Variants in ATP6V0D1 observed in about 807,000 individuals in gnomAD.
The protein encoded by ATP6V0D1 is V-type proton ATPase subunit d 1.
Under a neutral mutation model 39.0 loss-of-function variants are expected in ATP6V0D1, and 13 were observed. The observed-to-expected ratio is 0.33, with a 90% CI of 0.22 to 0.53. The LOEUF (loss-of-function observed/expected upper bound fraction) is 0.53, where lower values mean the gene tolerates loss of function less well. ATP6V0D1 is among the 20% of genes least tolerant of loss of function. The pLI is 0.94. For synonymous variants in ATP6V0D1, 191 were observed against 191.2 expected (o/e 1.00, Z 0.01); for missense variants, 272 against 470.9 (o/e 0.58, Z 3.91).
chr16:67,453,389 A>C lies in ATP6V0D1; in HGVS notation c.302+155T>G, dbSNP rs774349319. 1.3e-5 allele frequency among the ~76,000 whole-genome samples: 2 copies of C among 152,178 alleles called. No homozygotes were observed. Among genetic ancestry groups the C allele is most frequent in the Non-Finnish European group, 2.9e-5 (2 of 68,030 alleles). Reference sequence around the variant, plus strand: ...CACAGTCAGGGAGGACTCTGAAGGTAGGGTCCTGGGACACCTGGCCTGACA... The same window carrying C: ...CACAGTCAGGGAGGACTCTGAAGGTCGGGTCCTGGGACACCTGGCCTGACA... On this transcript the variant is annotated intron_variant, in intron 2 of 7. Coordinates refer to ENST00000290949, the MANE Select transcript of ATP6V0D1 (RefSeq NM_004691.5). The surrounding 1 kb of genome is among the most constrained non-coding windows in gnomAD (Gnocchi z 4.1).
chr16:67,468,681 G>A (rs2142329613), intron 1 of ATP6V0D1, among the ~76,000 whole-genome samples: 1 of 152,164 alleles, frequency 6.6e-6, no homozygotes, highest in South Asian at 2.1e-4. Flanking sequence ...TTCCAGAAGT[G>A]TATTATGCAA....
intron 1 of ATP6V0D1, among the ~76,000 whole-genome samples, chr16:67,471,825 G>A (rs1010380396): frequency 2.6e-5 from 4 of 151,276 alleles, no homozygotes; most frequent in East Asian, 1.9e-4. Flanking sequence ...AGATTGGGCC[G>A]GGGGGTGGTT....
intron 1 of ATP6V0D1, among the ~76,000 whole-genome samples, chr16:67,478,060 C>T (rs1430096282): frequency 1.3e-5 from 2 of 152,192 alleles, no homozygotes; most frequent in Admixed American, 1.3e-4. Flanking sequence ...ATTTACCTAG[C>T]GCTTATTCTG....
intron 1 of ATP6V0D1, among the ~76,000 whole-genome samples, chr16:67,469,530 G>C (rs1381492733): frequency 6.6e-6 from 1 of 152,078 alleles, no homozygotes; most frequent in Non-Finnish European, 1.5e-5. Flanking sequence ...CTCTGGCCTG[G>C]GCCCTCAAGC....
chr16:67,447,567 G>C lies in ATP6V0D1; in HGVS notation c.303-2861C>G, dbSNP rs1326214615. Reference sequence around the variant, plus strand: ...ATCTCCCTCCAGGGGAAGACAGCTGGGGAGTGGAGGGCCGGCTGCCCGCCA... The same window carrying C: ...ATCTCCCTCCAGGGGAAGACAGCTGCGGAGTGGAGGGCCGGCTGCCCGCCA... On this transcript the variant is annotated intron_variant, in intron 2 of 7. Transcript: ENST00000290949. This position sits in a 1 kb window ranked among gnomAD's most constrained non-coding sequence, Gnocchi z 4.1. Among the ~76,000 whole-genome samples the C allele has an allele frequency of 3.3e-5, 5 of 152,232 alleles. No homozygotes were observed. The highest frequency in any genetic ancestry group is 7.3e-5 in the Non-Finnish European group (5 of 68,036).
intron 2 of ATP6V0D1, chr16:67,452,536 C>T: frequency 1.3e-6 from 1 of 777,210 alleles, no homozygotes. Context: ...GCACCATAAT[C>T]AAGGAATGGT....
intron 1 of ATP6V0D1, among the ~76,000 whole-genome samples, chr16:67,478,599 G>A (rs1057505811): frequency 1.4e-5 from 2 of 146,716 alleles, no homozygotes; most frequent in Non-Finnish European, 3.0e-5. Context: ...GGGTGACAGG[G>A]CTAGACTCTG....
At chr16:67,454,655 A>G (rs2041219488) in intron 1 of ATP6V0D1, 1 of 151,988 alleles carries the variant, frequency 6.6e-6, no homozygotes, top group South Asian at 2.1e-4. Flanking sequence ...TCAGCCTCCC[A>G]AGTGGCTGGG....
Position 67,444,734 on chromosome 16 carries a change from C to A in ATP6V0D1, c.303-28G>T. Reference sequence around the variant, plus strand: ...ACAGGGGGCAGGCAATAGCAAGGAGCCCATCAAGGTGGGGGCCGGGAAGTC... The same window carrying A: ...ACAGGGGGCAGGCAATAGCAAGGAGACCATCAAGGTGGGGGCCGGGAAGTC... On this transcript the variant is annotated intron_variant, in intron 2 of 7. Coordinates refer to ENST00000290949, the MANE Select transcript of ATP6V0D1 (RefSeq NM_004691.5). The surrounding 1 kb of genome is among the most constrained non-coding windows in gnomAD (Gnocchi z 4.8). The A allele has an allele frequency of 6.4e-7, 1 of 1,557,314 alleles. No homozygotes were observed. Among genetic ancestry groups the A allele is most frequent in the Non-Finnish European group, 8.7e-7 (1 of 1,147,746 alleles).
chr16:67,463,695 C>T (rs988876555), intron 1 of ATP6V0D1, among the ~76,000 whole-genome samples: 13 of 152,234 alleles, frequency 8.5e-5, no homozygotes, highest in Non-Finnish European at 1.8e-4. Flanking sequence ...AGGCTTGGTC[C>T]AGGCAAGAAG....
intron 2 of ATP6V0D1, chr16:67,452,232 G>C: frequency 6.5e-7 from 1 of 1,534,986 alleles, no homozygotes; most frequent in Non-Finnish European, 8.7e-7. Context: ...GTCCATGTTG[G>C]CATACCTTGA....
chr16:67,475,959 G>A (rs2041411016), intron 1 of ATP6V0D1, among the ~76,000 whole-genome samples: 1 of 152,232 alleles, frequency 6.6e-6, no homozygotes, highest in South Asian at 2.1e-4. Context: ...GCCAGATGGA[G>A]TGGCTCACAC....
intron 1 of ATP6V0D1, among the ~76,000 whole-genome samples, chr16:67,476,798 G>A (rs1006628708): frequency 3.3e-5 from 5 of 152,106 alleles, no homozygotes; most frequent in African/African-American, 4.8e-5. Flanking sequence ...CACTTTGGGA[G>A]GCTGAGGTGG....
At chr16:67,458,495 G>GCC (rs1277896550) in intron 1 of ATP6V0D1, among the ~76,000 whole-genome samples, 1 of 152,172 alleles carries the variant, frequency 6.6e-6, no homozygotes, top group Non-Finnish European at 1.5e-5. Flanking sequence ...CCACTGAGAG[G>GCC]CCCAGACGTG....
rs2041472957 is a variant in ATP6V0D1, at chr16:67,481,128, C to T, written c.-42G>A. Reference sequence around the variant, plus strand: ...GCGGGACCGGAGAACCAGGACCGGCCGGCACGAATCGCGACTCCCCAGGTC... The same window carrying T: ...GCGGGACCGGAGAACCAGGACCGGCTGGCACGAATCGCGACTCCCCAGGTC... On this transcript the variant is annotated 5_prime_UTR_variant, in exon 1 of 8. Transcript: ENST00000290949. 5 of 1,610,816 alleles carry T rather than the reference C, an allele frequency of 3.1e-6. No homozygotes were observed. The East Asian group carries it at 8.9e-5, about 29-fold the overall frequency.
intron 1 of ATP6V0D1, among the ~76,000 whole-genome samples, chr16:67,477,603 T>C (rs1354089393): frequency 6.6e-6 from 1 of 152,196 alleles, no homozygotes; most frequent in African/African-American, 2.4e-5. Context: ...TGTAGTTAGA[T>C]GATTATTACT....
chr16:67,445,927 A>C (rs2041109383), intron 2 of ATP6V0D1: 3 of 455,772 alleles, frequency 6.6e-6, no homozygotes, highest in Non-Finnish European at 1.3e-5. Context: ...GAGCTAAATG[A>C]GGCCTAGGGG....
At chr16:67,443,767 A>G (rs1275505406) in intron 3 of ATP6V0D1, among the ~76,000 whole-genome samples, 3 of 152,240 alleles carry the variant, frequency 2.0e-5, no homozygotes, top group African/African-American at 7.2e-5. Context: ...TGAAGAAGCC[A>G]CAAACAGCCC....
intron 4 of ATP6V0D1, chr16:67,440,902 T>A (rs1223286816): frequency 6.6e-6 from 1 of 152,256 alleles, no homozygotes; most frequent in East Asian, 1.9e-4. Context: ...TGCCAACCCC[T>A]CCCATGGCTT....
Sources: allele counts gnomAD v4.1 joint callset (sites outside exome capture counted in the v4.1 genomes callset), GRCh38; gene constraint gnomAD v4.1.1; non-coding constraint Gnocchi (gnomAD v3.1); transcripts MANE v1.5; gene names NCBI Gene and HGNC (gene_info 2026-07-23, HGNC 2026-07-21).